The following ZNF532 variants were observed in gnomAD, a reference collection of about 807,000 sequenced individuals.
ZNF532 encodes zinc finger protein 532.
In ZNF532, 22 loss-of-function variants were observed where a neutral mutation model predicts 89.3. The ratio of observed to expected loss-of-function variants is 0.25; its 90% CI spans 0.18 to 0.35. ZNF532 has a LOEUF of 0.35. Among genes scored for constraint, ZNF532 ranks in the 10% least tolerant of loss-of-function variants. The pLI, the probability that ZNF532 is intolerant of heterozygous loss-of-function variation, is 1.00. For synonymous variants in ZNF532, 606 were observed against 649.6 expected (o/e 0.93, Z 1.02); for missense variants, 1,132 against 1,643.4 (o/e 0.69, Z 5.38).
chr18:58,970,885 C>T (rs905036020), intron 7 of ZNF532, among the ~76,000 whole-genome samples: 2 of 152,226 alleles, frequency 1.3e-5, no homozygotes, highest in Non-Finnish European at 2.9e-5. Context: ...TTCTGGGTTT[C>T]ATTGGCATGA....
intron 3 of ZNF532, among the ~76,000 whole-genome samples, chr18:58,928,667 T>C (rs1466190876): frequency 1.3e-5 from 2 of 152,180 alleles, no homozygotes; most frequent in African/African-American, 4.8e-5. Context: ...TGGGGATCAC[T>C]ACCTTCCAGG....
intron 2 of ZNF532, among the ~76,000 whole-genome samples, chr18:58,888,808 TA>T (rs1233473371): frequency 0.013 from 630 of 47,794 alleles, 56 homozygotes; most frequent in African/African-American, 0.028. Flanking sequence ...TTTATATATA[TA>T]AAAAATTATA....
chr18:58,863,494 GC>G (rs1433634776), upstream of ZNF532: 2 of 147,480 alleles, frequency 1.4e-5, no homozygotes, highest in African/African-American at 4.9e-5. Flanking sequence ...TTCGCTCGCC[GC>G]CCGGGCCGAG....
chr18:58,962,880 C>T (rs2065503218), intron 7 of ZNF532, among the ~76,000 whole-genome samples: 1 of 151,900 alleles, frequency 6.6e-6, no homozygotes, highest in Admixed American at 6.6e-5. Flanking sequence ...GGATTACAGG[C>T]GTGAGCCACC....
intron 7 of ZNF532, among the ~76,000 whole-genome samples, chr18:58,962,150 C>T (rs531729941): frequency 2.6e-5 from 4 of 151,798 alleles, no homozygotes; most frequent in South Asian, 2.1e-4. Flanking sequence ...TGTTTAAACC[C>T]GGGAGGTGAA....
At chr18:58,871,564 G>A (rs1191678907) in intron 2 of ZNF532, among the ~76,000 whole-genome samples, 2 of 152,214 alleles carry the variant, frequency 1.3e-5, no homozygotes, top group Non-Finnish European at 2.9e-5. Context: ...AGCACAGTTG[G>A]TGGACTGAGG....
intron 2 of ZNF532, among the ~76,000 whole-genome samples, chr18:58,868,817 G>T (rs1156389420): frequency 1.3e-5 from 2 of 152,192 alleles, no homozygotes; most frequent in Non-Finnish European, 2.9e-5. Context: ...GTCGATTAAT[G>T]CAGGGGTACA....
At position 58,918,872 on chromosome 18, in the gene ZNF532, G is replaced by A; in HGVS notation, c.585G>A (p.Val195=). The change falls in exon 3 of 10, where the codon GTG becomes GTA. Residue 195 remains valine (V), a synonymous_variant. Transcript: ENST00000591808. ...CTGGACTCTCTACGTCAGGCAATGT[G>A]GAGAAAAACAAAGCTGTTAAGAGAG... ...SKTGLSTSGN[V]EKNKAVKRET... 6.2e-7 allele frequency: 1 copy of A among 1,614,076 alleles called. No homozygotes were observed. The highest frequency in any genetic ancestry group is 8.5e-7 in the Non-Finnish European group (1 of 1,180,022).
intron 2 of ZNF532, among the ~76,000 whole-genome samples, chr18:58,882,215 T>C (rs1249450299): frequency 2.0e-5 from 3 of 152,218 alleles, no homozygotes; most frequent in Admixed American, 6.5e-5. Context: ...CATGAAACTT[T>C]AGGTGGAGTC....
chr18:58,941,891 TC>T (rs1187502940), intron 5 of ZNF532, among the ~76,000 whole-genome samples: 14 of 150,894 alleles, frequency 9.3e-5, no homozygotes, highest in Non-Finnish European at 1.5e-4. Flanking sequence ...CTTTCTTCCT[TC>T]CTTTTCCTTC....
At chr18:58,981,665 C>T in intron 9 of ZNF532, 48 bp downstream of exon 9, 1 of 1,605,736 alleles carries the variant, frequency 6.2e-7, no homozygotes, top group Non-Finnish European at 8.5e-7. Flanking sequence ...TGTTGACTTG[C>T]TTTTCCCATT....
chr18:58,891,178 C>T (rs71357621), intron 2 of ZNF532, among the ~76,000 whole-genome samples: 2 of 152,064 alleles, frequency 1.3e-5, no homozygotes, highest in East Asian at 1.9e-4. Context: ...CTCGGCCTCC[C>T]AAAGTGCTGG....
chr18:58,874,485 C>T (rs1310017761), intron 2 of ZNF532, among the ~76,000 whole-genome samples: 2 of 151,608 alleles, frequency 1.3e-5, no homozygotes, highest in Non-Finnish European at 2.9e-5. Flanking sequence ...GCTGGGGTTA[C>T]AGGCGCCCAC....
chr18:58,872,856 C>G (rs149720676), intron 2 of ZNF532, among the ~76,000 whole-genome samples: 13,029 of 151,954 alleles, frequency 0.086, 1,094 homozygotes, highest in East Asian at 0.41. Context: ...TGTGCCACCA[C>G]GCCCGGCTAA....
rs1283435760 is a variant in ZNF532, at chr18:58,984,617, A to G, written c.*151A>G. 2 of 869,060 alleles carry G rather than the reference A, an allele frequency of 2.3e-6. No homozygotes were observed. The highest frequency in any genetic ancestry group is 1.9e-5 in the South Asian group (1 of 52,872). The allele number at this position is 869,060 out of a possible 1,614,324, so 53.8% of individuals were successfully genotyped here. On this transcript the variant is annotated 3_prime_UTR_variant, in exon 10 of 10. Coordinates refer to ENST00000591808, the MANE Select transcript of ZNF532 (RefSeq NM_001375912.1). ...TGTACCTTCCTTCACCTCGTCGTAT[A>G]TATCCTCGATAAGTATTAAAACAGT...
In ZNF532 at chr18:58,919,117, T is replaced by C; in HGVS notation, c.830T>C (p.Leu277Pro). 4.3e-6 allele frequency: 7 copies of C among 1,614,164 alleles called. No homozygotes were observed. Among genetic ancestry groups the C allele is most frequent in the Non-Finnish European group, 5.9e-6 (7 of 1,180,038 alleles). ...LSSCIAAIAALSAKKAASDSC... is the reference protein window; with the variant it reads ...LSSCIAAIAAPSAKKAASDSC... ...TCCTGCATCGCTGCCATCGCGGCTC[T>C]CAGCGCTAAAAAGGCGGCTTCAGAC... The change falls in exon 3 of 10, where the codon CTC becomes CCC. Residue 277 changes from leucine to proline, a missense_variant. Physicochemically the swap from Leu to Pro is moderately conservative, Grantham distance 98. Around this residue, in one of 9 missense-constraint regions of ZNF532, gnomAD observed 302 missense variants for 319.8 expected, o/e 0.94. Coordinates refer to ENST00000591808, the MANE Select transcript of ZNF532 (RefSeq NM_001375912.1). This position sits in a 1 kb window ranked among gnomAD's most constrained non-coding sequence, Gnocchi z 6.1.
At chr18:58,912,363 G>T (rs2060333323) in intron 2 of ZNF532, among the ~76,000 whole-genome samples, 1 of 152,174 alleles carries the variant, frequency 6.6e-6, no homozygotes, top group South Asian at 2.1e-4. Flanking sequence ...CTAATTTCTT[G>T]TTAACTCATA....
chr18:58,938,291 A>G (rs981834039), intron 4 of ZNF532, among the ~76,000 whole-genome samples: 1 of 152,216 alleles, frequency 6.6e-6, no homozygotes, highest in African/African-American at 2.4e-5. Flanking sequence ...GACCACTCTT[A>G]AATAGTTTTC....
upstream of ZNF532, chr18:58,864,399 C>T (rs960182575): frequency 2.0e-5 from 3 of 152,076 alleles, no homozygotes; most frequent in Non-Finnish European, 4.4e-5. Flanking sequence ...GCCAGGCCGG[C>T]TCTGCAGCCG....
Sources: gnomAD v4.1 joint callset for allele counts (sites outside exome capture counted in the v4.1 genomes callset) on GRCh38, gnomAD v4.1.1 for gene constraint, gnomAD v4.1.1 regional missense constraint, Gnocchi (gnomAD v3.1) non-coding constraint, MANE v1.5 for transcripts, NCBI Gene and HGNC (gene_info 2026-07-23, HGNC 2026-07-21) for gene names.